Variants in SORBS2 observed in about 807,000 individuals in gnomAD.
SORBS2 encodes the protein sorbin and SH3 domain-containing protein 2.
In SORBS2, 46 loss-of-function variants were observed where a neutral mutation model predicts 97.7. The observed-to-expected ratio is 0.47, with a 90% CI of 0.37 to 0.60. The LOEUF is 0.60. Among genes scored for constraint, SORBS2 ranks in the 20% least tolerant of loss-of-function variants. The pLI, the probability that SORBS2 is intolerant of heterozygous loss-of-function variation, is 0.00. For missense variants in SORBS2, 1,316 were observed against 1,282.3 expected (o/e 1.03, Z -0.40); for synonymous variants, 476 against 473.4 (o/e 1.01, Z -0.07).
At chr4:185,633,302 G>T (rs931179740) in intron 4 of SORBS2, among the ~76,000 whole-genome samples, 3 of 152,046 alleles carry the variant, frequency 2.0e-5, no homozygotes, top group Non-Finnish European at 4.4e-5. Flanking sequence ...GGTTATTAAA[G>T]ACAAAATCCA....
intron 2 of SORBS2, among the ~76,000 whole-genome samples, chr4:185,692,981 G>T (rs184291568): frequency 6.6e-6 from 1 of 152,146 alleles, no homozygotes; most frequent in African/African-American, 2.4e-5. Context: ...TTACTATATG[G>T]TGTTTAATTT....
intron 1 of SORBS2, among the ~76,000 whole-genome samples, chr4:185,939,119 T>C (rs564069226): frequency 7.2e-5 from 11 of 152,234 alleles, no homozygotes; most frequent in African/African-American, 2.2e-4. Context: ...GGTCTTGCTA[T>C]ATACTTTAAG....
At chr4:185,610,802 T>C (rs570578388) in intron 12 of SORBS2, among the ~76,000 whole-genome samples, 7 of 152,176 alleles carry the variant, frequency 4.6e-5, no homozygotes, top group Admixed American at 1.3e-4. Flanking sequence ...TTGATCTCAA[T>C]TAAAATAATT....
intron 1 of SORBS2, among the ~76,000 whole-genome samples, chr4:185,801,485 CTTTTGACTT>C (rs901323379): frequency 2.7e-4 from 41 of 152,182 alleles, no homozygotes; most frequent in Non-Finnish European, 1.3e-4. Flanking sequence ...CACTCGTTAT[CTTTTGACTT>C]TTTGGTGATA....
At chr4:185,818,571 C>T (rs1467014651) in intron 1 of SORBS2, among the ~76,000 whole-genome samples, 1 of 152,096 alleles carries the variant, frequency 6.6e-6, no homozygotes, top group Non-Finnish European at 1.5e-5. Context: ...TGGACATTTC[C>T]TGCATCAAAG....
intron 1 of SORBS2, among the ~76,000 whole-genome samples, chr4:185,870,535 C>T (rs2099229811): frequency 1.3e-5 from 2 of 152,190 alleles, no homozygotes; most frequent in Non-Finnish European, 2.9e-5. Flanking sequence ...CTAATGAGAC[C>T]GAACTGCTGT....
At chr4:185,778,482 G>A (rs1024148290) in intron 1 of SORBS2, among the ~76,000 whole-genome samples, 1 of 152,130 alleles carries the variant, frequency 6.6e-6, no homozygotes, top group Non-Finnish European at 1.5e-5. Flanking sequence ...GACCTACTGA[G>A]CCAGCATGTG....
At chr4:185,875,708 G>GCTTTGCATATGTCTTT (rs1325192488) in intron 1 of SORBS2, among the ~76,000 whole-genome samples, 2 of 152,248 alleles carry the variant, frequency 1.3e-5, no homozygotes, top group African/African-American at 2.4e-5. Context: ...CCTGGAAAGT[G>GCTTTGCATATGTCTTT]CTTTGCATAT....
At chr4:185,637,969 G>T (rs960495666) in intron 4 of SORBS2, 110 bp downstream of exon 15, 16 of 728,082 alleles carry the variant, frequency 2.2e-5, no homozygotes, top group Non-Finnish European at 3.5e-5. Flanking sequence ...TATACATTAT[G>T]CATTCGGCCT....
intron 11 of SORBS2, among the ~76,000 whole-genome samples, chr4:185,612,206 C>T (rs2096549881): frequency 6.6e-6 from 1 of 152,078 alleles, no homozygotes; most frequent in South Asian, 2.1e-4. Context: ...CAGAATCTTC[C>T]CTAAGGATGC....
intron 2 of SORBS2, among the ~76,000 whole-genome samples, chr4:185,679,059 C>T (rs1229739805): frequency 6.6e-6 from 1 of 151,866 alleles, no homozygotes; most frequent in Non-Finnish European, 1.5e-5. Flanking sequence ...ACTCATTTTT[C>T]CCCTCAATAA....
At chr4:185,854,005 C>A (rs574981769) in intron 1 of SORBS2, among the ~76,000 whole-genome samples, 13 of 152,128 alleles carry the variant, frequency 8.5e-5, no homozygotes, top group African/African-American at 3.1e-4. Context: ...ATACTCCATA[C>A]GTGAATCATC....
chr4:185,607,275 T>A lies in SORBS2; in HGVS notation c.2796+4505A>T. ...TCAGGGACAACCAGCCCTGGCCAGT[T>A]CCCTGGAGAGCTCCTTTATCTGAGC... On this transcript the variant is annotated intron_variant, in intron 12 of 14. Transcript: ENST00000418609. The surrounding 1 kb of genome is among the most constrained non-coding windows in gnomAD (Gnocchi z 5.2). 7.8e-7 allele frequency: 1 copy of A among 1,277,742 alleles called. No individual in the cohort carries two copies. Among genetic ancestry groups the A allele is most frequent in the Non-Finnish European group, 1.0e-6 (1 of 984,338 alleles). 79.2% of individuals were successfully genotyped at this position (1,277,742 alleles called of 1,614,324 possible).
At chr4:185,810,743 C>G (rs1332995191) in intron 1 of SORBS2, 1 of 152,194 alleles carries the variant, frequency 6.6e-6, no homozygotes, top group Non-Finnish European at 1.5e-5. Flanking sequence ...CAAGGAAATA[C>G]TCACTACCAG....
intron 2 of SORBS2, among the ~76,000 whole-genome samples, chr4:185,720,125 G>C (rs2098500731): frequency 6.6e-6 from 1 of 152,206 alleles, no homozygotes; most frequent in African/African-American, 2.4e-5. Flanking sequence ...TTAGCGCTGA[G>C]AAAGACAGAG....
At chr4:185,701,584 G>A (rs755784895) in intron 2 of SORBS2, among the ~76,000 whole-genome samples, 7 of 152,164 alleles carry the variant, frequency 4.6e-5, no homozygotes, top group Non-Finnish European at 1.0e-4. Flanking sequence ...CATTTACATT[G>A]ATTCTAGTTA....
intron 2 of SORBS2, among the ~76,000 whole-genome samples, chr4:185,696,083 A>G (rs2098171287): frequency 6.6e-6 from 1 of 152,184 alleles, no homozygotes; most frequent in African/African-American, 2.4e-5. Flanking sequence ...ATTCAACATC[A>G]TTTCTAGGAA....
intron 1 of SORBS2, among the ~76,000 whole-genome samples, chr4:185,860,299 G>A (rs1156519953): frequency 6.6e-6 from 1 of 152,216 alleles, no homozygotes; most frequent in Non-Finnish European, 1.5e-5. Flanking sequence ...AGCAGAGGAT[G>A]ATGGTAAATA....
intron 4 of SORBS2, among the ~76,000 whole-genome samples, chr4:185,636,151 G>A (rs1423416618): frequency 6.6e-6 from 1 of 151,846 alleles, no homozygotes; most frequent in Non-Finnish European, 1.5e-5. Context: ...GAGTCACCAC[G>A]CCTGGCCGTC....
Sources: allele counts gnomAD v4.1 joint callset (sites outside exome capture counted in the v4.1 genomes callset), GRCh38; gene constraint gnomAD v4.1.1; non-coding constraint Gnocchi (gnomAD v3.1); transcripts MANE v1.5; gene names NCBI Gene and HGNC (gene_info 2026-07-23, HGNC 2026-07-21).